The following CUBN variants were observed in gnomAD, a reference collection of about 807,000 sequenced individuals.
CUBN encodes the protein cubilin.
Under a neutral mutation model 405.3 loss-of-function variants are expected in CUBN, and 282 were observed. The ratio of observed to expected loss-of-function variants is 0.70; its 90% CI spans 0.63 to 0.77. The LOEUF is 0.77. Ranked by LOEUF, CUBN falls within the 30% of genes least tolerant of loss-of-function variation. CUBN has a pLI of 0.00. For missense variants in CUBN, 4,514 were observed against 4,475.2 expected (o/e 1.01, Z -0.25); for synonymous variants, 1,684 against 1,617.0 (o/e 1.04, Z -0.99).
chr10:16,937,975 G>A (rs1842563582), intron 38 of CUBN, among the ~76,000 whole-genome samples, 191 bp from the exon 39 acceptor site: 1 of 152,108 alleles, frequency 6.6e-6, no homozygotes, highest in African/African-American at 2.4e-5. Flanking sequence ...GTAATTTAAT[G>A]TTTTGAAAAC....
intron 14 of CUBN, 82 bp downstream of exon 14, chr10:17,099,923 T>C: frequency 7.3e-6 from 6 of 819,872 alleles, no homozygotes; most frequent in South Asian, 5.5e-5. Context: ...AAACATCTCA[T>C]GTATCCAAAA....
intron 28 of CUBN, among the ~76,000 whole-genome samples, chr10:17,018,206 C>G (rs1016652826): frequency 1.1e-4 from 16 of 152,216 alleles, no homozygotes; most frequent in Admixed American, 1.0e-3. Context: ...CGGTATATAG[C>G]CCCCAAATTC....
At chr10:16,829,812 G>GT (rs1838921300) in intron 65 of CUBN, among the ~76,000 whole-genome samples, 1 of 151,668 alleles carries the variant, frequency 6.6e-6, no homozygotes, top group African/African-American at 2.4e-5. Context: ...ATCTTGGTGG[G>GT]TTTTTTTGTT....
chr10:16,993,084 C>G (rs1246376122), intron 28 of CUBN, among the ~76,000 whole-genome samples: 4 of 152,080 alleles, frequency 2.6e-5, no homozygotes, highest in Non-Finnish European at 5.9e-5. Context: ...GATGTACCAC[C>G]TTTTACTAAA....
chr10:17,004,201 A>C (rs1381221478), intron 28 of CUBN, among the ~76,000 whole-genome samples: 1 of 152,186 alleles, frequency 6.6e-6, no homozygotes, highest in Non-Finnish European at 1.5e-5. Flanking sequence ...TGCAATAGGC[A>C]CCTCACAGTT....
At chr10:17,023,475 A>C (rs913293158) in intron 27 of CUBN, 1 of 370,318 alleles carries the variant, frequency 2.7e-6, no homozygotes, top group Non-Finnish European at 5.8e-6. Context: ...CGTCACCTCT[A>C]CAATTCATTC....
intron 22 of CUBN, among the ~76,000 whole-genome samples, chr10:17,054,402 G>A (rs1336982571): frequency 5.3e-5 from 8 of 151,080 alleles, no homozygotes; most frequent in Non-Finnish European, 1.5e-5. Context: ...CTATCTATCT[G>A]TAGTTAATTT....
At chr10:16,890,651 T>C (rs1405938743) in intron 54 of CUBN, 124 bp from the exon 55 acceptor site, 1 of 922,324 alleles carries the variant, frequency 1.1e-6, no homozygotes, top group Non-Finnish European at 1.8e-6. Flanking sequence ...AAACAAAACA[T>C]GGACAAATCT....
intron 8 of CUBN, among the ~76,000 whole-genome samples, chr10:17,112,770 GAAGAAACTTGCC>G (rs1234255609): frequency 6.6e-6 from 1 of 151,960 alleles, no homozygotes; most frequent in Admixed American, 6.6e-5. Context: ...TTCTTGGCGA[GAAGAAACTTGCC>G]AAGAAACTTG....
chr10:17,117,535 C>T (rs1028734243), intron 6 of CUBN, among the ~76,000 whole-genome samples: 3 of 152,050 alleles, frequency 2.0e-5, no homozygotes, highest in Admixed American at 6.6e-5. Flanking sequence ...CCACCACACC[C>T]GGCTAATTTT....
rs1005154273 is a variant in CUBN at position 16,958,057 on chromosome 10, T to C, written c.4696-3509A>G. Among the ~76,000 whole-genome samples, 3 of 152,144 alleles carry C rather than the reference T, an allele frequency of 2.0e-5. No individual in the cohort carries two copies. In the East Asian group the frequency reaches 5.8e-4, roughly 29 times the overall value. On this transcript the variant is annotated intron_variant, in intron 31 of 66. Transcript: ENST00000377833. ...CAGTCCTTGTTTTCAGTCTGAGTGGTTGGAATCCTCTCAAGGGACAAGAGG... is the reference window on the plus strand; with the variant it reads ...CAGTCCTTGTTTTCAGTCTGAGTGGCTGGAATCCTCTCAAGGGACAAGAGG...
At chr10:16,854,482 G>T (rs183993559) in intron 59 of CUBN, among the ~76,000 whole-genome samples, 6 of 152,226 alleles carry the variant, frequency 3.9e-5, no homozygotes, top group Admixed American at 3.3e-4. Context: ...AATTGATCCA[G>T]AACCAGCATT....
chr10:16,926,346 A>G (rs778159897), intron 41 of CUBN, among the ~76,000 whole-genome samples: 1 of 152,214 alleles, frequency 6.6e-6, no homozygotes, highest in Non-Finnish European at 1.5e-5. Flanking sequence ...TAGGTCATGC[A>G]GGAAACTGAA....
intron 22 of CUBN, among the ~76,000 whole-genome samples, chr10:17,052,210 G>A (rs1432637998): frequency 6.6e-6 from 1 of 152,036 alleles, no homozygotes; most frequent in Admixed American, 6.6e-5. Context: ...TTTAAAAAAC[G>A]AGAGTGTAAC....
At chr10:17,074,025 G>A (rs1202434495) in intron 17 of CUBN, among the ~76,000 whole-genome samples, 1 of 152,148 alleles carries the variant, frequency 6.6e-6, no homozygotes, top group Non-Finnish European at 1.5e-5. Context: ...GGAATTATTC[G>A]ATGGATATAT....
chr10:17,056,031 A>G (rs995799597), intron 22 of CUBN, among the ~76,000 whole-genome samples: 1 of 152,150 alleles, frequency 6.6e-6, no homozygotes, highest in Non-Finnish European at 1.5e-5. Context: ...AAATTATGTA[A>G]CATTAAGTAA....
chr10:17,070,550 T>G (rs377346307), intron 19 of CUBN, among the ~76,000 whole-genome samples: 4 of 152,312 alleles, frequency 2.6e-5, no homozygotes, highest in Admixed American at 1.3e-4. Context: ...CAAGGACGTT[T>G]TATAGTCTCA....
intron 45 of CUBN, 46 bp from the exon 46 acceptor site, chr10:16,916,076 A>G (rs139334585): frequency 6.3e-7 from 1 of 1,577,860 alleles, no homozygotes; most frequent in East Asian, 2.3e-5. Context: ...GCAAGCAAGC[A>G]AGAAAGATTG....
chr10:16,968,909 T>C (rs1843475228), intron 31 of CUBN, among the ~76,000 whole-genome samples: 1 of 152,232 alleles, frequency 6.6e-6, no homozygotes, highest in South Asian at 2.1e-4. Flanking sequence ...CACCAGACAC[T>C]TGAAGGTGAC....
Sources: allele counts gnomAD v4.1 joint callset (sites outside exome capture counted in the v4.1 genomes callset), GRCh38; gene constraint gnomAD v4.1.1; transcripts MANE v1.5; gene names NCBI Gene and HGNC (gene_info 2026-07-23, HGNC 2026-07-21).